NRK: variants seen among roughly 807,000 people sequenced by gnomAD.
The protein encoded by NRK is Nik related kinase.
A neutral mutation model predicts 125.2 loss-of-function variants in NRK; 67 were observed. The ratio of observed to expected loss-of-function variants is 0.54; its 90% confidence interval spans 0.44 to 0.66. The LOEUF (loss-of-function observed/expected upper bound fraction) is 0.66, where lower values mean the gene tolerates loss of function less well. Among genes scored for constraint, NRK ranks in the 30% least tolerant of loss-of-function variants. The probability of loss-of-function intolerance (pLI) is 0.00; values close to 1 mark genes in which losing one functional copy is unlikely to be tolerated. For missense variants in NRK, 1,224 were observed against 1,192.9 expected (o/e 1.03, Z -0.38); for synonymous variants, 458 against 429.0 (o/e 1.07, Z -0.84).
At chrX:105,845,894 A>G (rs1007751198) in intron 2 of NRK, among the ~76,000 whole-genome samples, 3 of 111,382 alleles carry the variant, frequency 2.7e-5, no homozygotes, top group African/African-American at 9.8e-5. Flanking sequence ...CAGGTGAGTA[A>G]TTCTCTCCTC....
At chrX:105,851,984 C>T (rs1041810287) in intron 2 of NRK, among the ~76,000 whole-genome samples, 3 of 112,060 alleles carry the variant, frequency 2.7e-5, no homozygotes, top group Non-Finnish European at 5.6e-5. Flanking sequence ...TTGGCCCATT[C>T]AGTGAAGAGA....
intron 1 of NRK, among the ~76,000 whole-genome samples, chrX:105,830,636 A>C (rs927318937): frequency 1.8e-5 from 2 of 111,059 alleles, no homozygotes; most frequent in East Asian, 5.7e-4. Flanking sequence ...ACCACTTAAG[A>C]TAGTTGAATG....
At chrX:105,902,867 A>G (rs1446634610) in intron 9 of NRK, among the ~76,000 whole-genome samples, 1 of 111,409 alleles carries the variant, frequency 9.0e-6, no homozygotes, top group African/African-American at 3.3e-5. Context: ...CCCTAGGTCC[A>G]TGGAAAAATT....
intron 2 of NRK, among the ~76,000 whole-genome samples, chrX:105,860,911 CTAT>C (rs916562711): frequency 2.7e-5 from 3 of 110,821 alleles, no homozygotes; most frequent in African/African-American, 6.6e-5. Context: ...GCTTTTGTGG[CTAT>C]TATTAATAAT....
chrX:105,822,886 A>G lies in NRK; in HGVS notation c.41A>G (p.Asp14Gly). Residue 14 changes from aspartate (D) to glycine (G), a missense_variant, in exon 1 of 29, where the codon GAT becomes GGT. Transcript: ENST00000243300. ...PGGWRDREVTDLGHLPDPTGI... is the reference protein window; with the variant it reads ...PGGWRDREVTGLGHLPDPTGI... ...GGCTGGAGGGACAGGGAGGTCACGG[A>G]TCTGGGCCACCTGCCGGTGAGTAGA... 4 of 1,170,705 alleles carry G rather than the reference A, an allele frequency of 3.4e-6. No individual in the cohort carries two copies. Among genetic ancestry groups the G allele is most frequent in the Non-Finnish European group, 4.6e-6 (4 of 873,819 alleles).
At chrX:105,872,427 A>G (rs1196325870) in intron 2 of NRK, among the ~76,000 whole-genome samples, 2 of 112,084 alleles carry the variant, frequency 1.8e-5, no homozygotes, top group Non-Finnish European at 3.8e-5. Flanking sequence ...TGAGGATCTC[A>G]AAAACAGGCT....
At chrX:105,950,912 C>T (rs1339261501) in intron 27 of NRK, among the ~76,000 whole-genome samples, 1 of 110,328 alleles carries the variant, frequency 9.1e-6, no homozygotes, top group African/African-American at 3.3e-5. Flanking sequence ...ATATGATCCT[C>T]ATGTGGCTTT....
intron 2 of NRK, among the ~76,000 whole-genome samples, chrX:105,879,165 A>C (rs754904398): frequency 9.1e-6 from 1 of 110,490 alleles, no homozygotes; most frequent in African/African-American, 3.3e-5. Context: ...CTTTCGTCTT[A>C]TAAAGAAACC....
intron 6 of NRK, 44 bp downstream of exon 6, chrX:105,893,986 T>C (rs943520257): frequency 1.4e-6 from 1 of 730,744 alleles, no homozygotes; most frequent in Non-Finnish European, 2.1e-6. Context: ...TTTAAGAACC[T>C]GGGAGTAATA....
At chrX:105,829,367 A>G in intron 1 of NRK, among the ~76,000 whole-genome samples, 1 of 112,350 alleles carries the variant, frequency 8.9e-6, no homozygotes, top group Non-Finnish European at 1.9e-5. Flanking sequence ...TTTAGCTTAT[A>G]TTTATCACAG....
chrX:105,826,269 ATAATATATATGAAATATATAT>A (rs2039101896), intron 1 of NRK, among the ~76,000 whole-genome samples: 1 of 69,165 alleles, frequency 1.4e-5, no homozygotes, highest in Non-Finnish European at 2.4e-5. Flanking sequence ...TATTTCATAT[ATAATATATATGAAATATATAT>A]TATCATATAT....
intron 23 of NRK, among the ~76,000 whole-genome samples, chrX:105,942,011 C>G (rs751935370): frequency 9.0e-6 from 1 of 111,470 alleles, no homozygotes; most frequent in East Asian, 2.8e-4. Flanking sequence ...TTTGCCTCTT[C>G]TGGACTATTA....
At chrX:105,852,288 T>C (rs2039482054) in intron 2 of NRK, among the ~76,000 whole-genome samples, 1 of 111,638 alleles carries the variant, frequency 9.0e-6, no homozygotes, top group Non-Finnish European at 1.9e-5. Context: ...AAAATAGTCA[T>C]GTAGATTTGG....
At chrX:105,951,332 C>G (rs1026624606) in intron 27 of NRK, among the ~76,000 whole-genome samples, 2 of 111,101 alleles carry the variant, frequency 1.8e-5, no homozygotes, top group Admixed American at 9.6e-5. Flanking sequence ...GAGAAGTCAT[C>G]TGGTGCAGCT....
At chrX:105,929,272 T>C (rs1276850750) in intron 19 of NRK, among the ~76,000 whole-genome samples, 1 of 111,558 alleles carries the variant, frequency 9.0e-6, no homozygotes, top group Non-Finnish European at 1.9e-5. Flanking sequence ...CTTTGACTTT[T>C]AACACCTGTT....
At chrX:105,858,716 C>T (rs972364702) in intron 2 of NRK, among the ~76,000 whole-genome samples, 1 of 111,010 alleles carries the variant, frequency 9.0e-6, no homozygotes, top group Admixed American at 9.6e-5. Context: ...GGGAAGTAGG[C>T]AGATTTGCTT....
chrX:105,890,101 T>C (rs1164160684), intron 5 of NRK, among the ~76,000 whole-genome samples: 1 of 111,704 alleles, frequency 9.0e-6, no homozygotes, highest in Non-Finnish European at 1.9e-5. Context: ...AGAGATTTCT[T>C]CCAGAAGATA....
At chrX:105,822,534 G>C (rs1033239434), upstream of NRK, 8 of 305,998 alleles carry the variant, frequency 2.6e-5, no homozygotes, top group Non-Finnish European at 4.6e-5. Context: ...GCACCCTGAC[G>C]GGGCAGACAC....
intron 2 of NRK, among the ~76,000 whole-genome samples, chrX:105,860,525 C>T (rs941274303): frequency 6.4e-5 from 7 of 110,041 alleles, no homozygotes; most frequent in African/African-American, 2.3e-4. Context: ...ATTTTCATTA[C>T]CCACAAAGGA....
Sources: gnomAD v4.1 joint callset for allele counts (sites outside exome capture counted in the v4.1 genomes callset) on GRCh38, gnomAD v4.1.1 for gene constraint, MANE v1.5 for transcripts, NCBI Gene and HGNC (gene_info 2026-07-23, HGNC 2026-07-21) for gene names.